Variants in BANP observed in about 807,000 individuals in gnomAD.
BANP encodes the protein BTG3 associated nuclear protein.
A neutral mutation model predicts 68.1 loss-of-function variants in BANP; 11 were observed. That is an observed-to-expected ratio of 0.16 (90% CI 0.10 to 0.27). The LOEUF is 0.27. Ranked by LOEUF, BANP falls within the 10% of genes least tolerant of loss-of-function variation. BANP has a pLI of 1.00. For synonymous variants in BANP, 329 were observed against 303.2 expected (o/e 1.09, Z -0.88); for missense variants, 504 against 722.7 (o/e 0.70, Z 3.47).
intron 1 of BANP, among the ~76,000 whole-genome samples, chr16:87,962,499 C>G (rs762070672): frequency 6.6e-5 from 10 of 152,044 alleles, no homozygotes; most frequent in Non-Finnish European, 1.3e-4. Flanking sequence ...TGAAGAGGAC[C>G]CTGAGGCCAG....
chr16:87,971,394 G>C (rs904998397), intron 1 of BANP, among the ~76,000 whole-genome samples: 4 of 152,160 alleles, frequency 2.6e-5, no homozygotes, highest in African/African-American at 9.7e-5. Context: ...TGGGAATACT[G>C]TTCTCTGAGG....
At chr16:87,998,567 C>T (rs60226303) in intron 4 of BANP, among the ~76,000 whole-genome samples, 38,804 of 91,048 alleles carry the variant, frequency 0.43, 5,272 homozygotes, top group East Asian at 0.63. Flanking sequence ...CATGCACGCA[C>T]GTGCGCGGCT....
intron 11 of BANP, among the ~76,000 whole-genome samples, chr16:88,050,029 C>T (rs1234521107): frequency 6.6e-6 from 1 of 152,132 alleles, no homozygotes; most frequent in Non-Finnish European, 1.5e-5. Flanking sequence ...TGGGCGTGGC[C>T]GGCTGGTGAG....
rs930755477 is a variant in BANP, at chr16:88,036,182, G to T, written c.1272+788G>T. ...ACACGTGTTGTACTCAGTGACCGTG[G>T]TGCGCTCTGGGGGATGAGGAACATG... On this transcript the variant is annotated intron_variant, in intron 10 of 13. Coordinates refer to ENST00000682872, the MANE Select transcript of BANP (RefSeq NM_001386991.1). The surrounding 1 kb of genome is among the most constrained non-coding windows in gnomAD (Gnocchi z 4.2). 6.6e-6 allele frequency among the ~76,000 whole-genome samples: 1 copy of T among 152,222 alleles called. No individual in the cohort carries two copies. Among genetic ancestry groups the T allele is most frequent in the African/African-American group, 2.4e-5 (1 of 41,458 alleles).
intron 1 of BANP, among the ~76,000 whole-genome samples, chr16:87,955,673 A>G (rs548150174): frequency 1.3e-5 from 2 of 151,466 alleles, no homozygotes; most frequent in Middle Eastern, 3.4e-3. Flanking sequence ...TATCTCCCCC[A>G]AGATACACGT....
chr16:88,041,367 G>A (rs1006105643), intron 11 of BANP, among the ~76,000 whole-genome samples: 54 of 152,312 alleles, frequency 3.5e-4, no homozygotes, highest in Admixed American at 1.0e-3. Context: ...GCGCCATTGT[G>A]CTGCGTTGGT....
chr16:87,996,385 A>G (rs2067214489), intron 4 of BANP, among the ~76,000 whole-genome samples: 1 of 152,168 alleles, frequency 6.6e-6, no homozygotes, highest in South Asian at 2.1e-4. Flanking sequence ...GCTGCTCTGA[A>G]GTGCCGGCTG....
At chr16:88,020,807 G>A (rs1008392074) in intron 7 of BANP, among the ~76,000 whole-genome samples, 3 of 152,208 alleles carry the variant, frequency 2.0e-5, no homozygotes, top group African/African-American at 7.2e-5. Flanking sequence ...GGATTGTCAG[G>A]CTAAGGATTC....
intron 11 of BANP, among the ~76,000 whole-genome samples, chr16:88,047,221 C>T (rs527901154): frequency 2.0e-5 from 3 of 152,166 alleles, no homozygotes; most frequent in Admixed American, 6.5e-5. Flanking sequence ...GGGCTTGATG[C>T]GGGTCACGTA....
intron 1 of BANP, among the ~76,000 whole-genome samples, chr16:87,958,600 C>T (rs1236596447): frequency 7.5e-5 from 6 of 79,792 alleles, no homozygotes; most frequent in Admixed American, 1.3e-4. Context: ...GAAGCGGAAA[C>T]TGGAGGATCA....
intron 10 of BANP, among the ~76,000 whole-genome samples, chr16:88,035,923 C>T (rs886701258): frequency 1.3e-5 from 2 of 152,210 alleles, no homozygotes; most frequent in African/African-American, 4.8e-5. Flanking sequence ...GTGATTGTCT[C>T]AGTTTCTGGA....
At chr16:88,005,628 T>C (rs1352676892) in intron 5 of BANP, among the ~76,000 whole-genome samples, 1 of 152,200 alleles carries the variant, frequency 6.6e-6, no homozygotes, top group Admixed American at 6.5e-5. Context: ...TTTTTGCCCG[T>C]GGGCGTACGT....
Position 88,060,518 on chromosome 16 carries a change from C to T in BANP, c.1312-4749C>T, listed in dbSNP as rs547935478. 5.3e-5 allele frequency among the ~76,000 whole-genome samples: 8 copies of T among 152,336 alleles called. No homozygotes were observed. In the South Asian group the frequency reaches 1.7e-3, roughly 32 times the overall value. ...ATGTTTTTAGAAGTTCGTTCTTTTG[C>T]CCTCTCACGGTGGATTCAAACGTAT... is the stretch of plus-strand genomic sequence containing the variant. On this transcript the variant is annotated intron_variant, in intron 11 of 13. Coordinates refer to ENST00000682872, the MANE Select transcript of BANP (RefSeq NM_001386991.1).
intron 4 of BANP, among the ~76,000 whole-genome samples, chr16:87,999,018 C>T (rs1197536514): frequency 1.6e-5 from 2 of 125,814 alleles, no homozygotes; most frequent in Admixed American, 7.8e-5. Context: ...AGACACGTCT[C>T]CATGCACGCA....
Position 88,072,136 on chromosome 16 carries a change from C to A in BANP, c.1445C>A (p.Ser482Ter), listed in dbSNP as rs762891001. ...CCCGCGGCGGCGGGCGTGGATGGGTCGCCACTCCAGGGCAGCGACATCCAG... is the reference window on the plus strand; with the variant it reads ...CCCGCGGCGGCGGGCGTGGATGGGTAGCCACTCCAGGGCAGCGACATCCAG... Reference protein sequence around the residue: ...SDPAAAGVDGSPLQGSDIQVQ... With the variant: ...SDPAAAGVDG The change falls in exon 13 of 14, where the codon TCG (serine) becomes TAG (stop). Residue 482 changes from serine (S) to a stop codon, truncating the protein, a stop_gained. Coordinates refer to ENST00000682872, the MANE Select transcript of BANP (RefSeq NM_001386991.1). LOFTEE classifies it high-confidence loss of function. 1.9e-6 allele frequency: 3 copies of A among 1,610,146 alleles called. No homozygotes were observed. In the East Asian group the frequency reaches 6.7e-5, roughly 36 times the overall value.
chr16:87,952,767 T>C (rs2057225624), intron 1 of BANP: 1 of 152,218 alleles, frequency 6.6e-6, no homozygotes, highest in African/African-American at 2.4e-5. Context: ...TCTGTCATCA[T>C]TGGCGTTAAT....
chr16:88,013,891 A>C (rs2073850609), intron 6 of BANP, among the ~76,000 whole-genome samples: 1 of 152,188 alleles, frequency 6.6e-6, no homozygotes, highest in South Asian at 2.1e-4. Flanking sequence ...GTCAACAGGA[A>C]ATCCATGGAC....
rs1366502465 is a variant in BANP at position 88,003,498 on chromosome 16, G to A, written c.363-797G>A. The A allele has an allele frequency of 2.2e-5, 10 of 456,182 alleles. No homozygotes were observed. Among genetic ancestry groups the A allele is most frequent in the South Asian group, 1.2e-4 (8 of 64,576 alleles). 28.3% of individuals were successfully genotyped at this position (456,182 alleles called of 1,614,324 possible). ...TCTCCCCAGCCTTCCACAACAAAGC[G>A]GACCTTAGATATCCCTTGTGACCAG... On this transcript the variant is annotated intron_variant, in intron 4 of 13. Transcript: ENST00000682872. The surrounding 1 kb of genome is among the most constrained non-coding windows in gnomAD (Gnocchi z 6.1).
intron 1 of BANP, among the ~76,000 whole-genome samples, chr16:87,967,429 C>CATTTT (rs936225958): frequency 1.3e-5 from 2 of 151,562 alleles, no homozygotes; most frequent in African/African-American, 4.8e-5. Flanking sequence ...TTTAATTGTA[C>CATTTT]ATTTTATTTT....
Sources: gnomAD v4.1 joint callset for allele counts (sites outside exome capture counted in the v4.1 genomes callset) on GRCh38, gnomAD v4.1.1 for gene constraint, Gnocchi (gnomAD v3.1) non-coding constraint, MANE v1.5 for transcripts, NCBI Gene and HGNC (gene_info 2026-07-23, HGNC 2026-07-21) for gene names.